The following TULP4 variants were observed in gnomAD, a reference collection of about 807,000 sequenced individuals.
The protein encoded by TULP4 is tubby-related protein 4.
Under a neutral mutation model 129.0 loss-of-function variants are expected in TULP4, and 16 were observed. That is an observed-to-expected ratio of 0.12 (90% CI 0.08 to 0.19). The LOEUF (loss-of-function observed/expected upper bound fraction) is 0.19, where lower values mean the gene tolerates loss of function less well. TULP4 is among the 10% of genes least tolerant of loss of function. TULP4 has a pLI of 1.00. For synonymous variants in TULP4, 998 were observed against 854.0 expected, an observed-to-expected ratio of 1.17 and a Z score of -2.94; for missense variants, 1,842 against 2,059.1, an observed-to-expected ratio of 0.89 and a Z score of 2.04.
At chr6:158,317,990 C>G (rs1461638275) in intron 1 of TULP4, among the ~76,000 whole-genome samples, 1 of 152,150 alleles carries the variant, frequency 6.6e-6, no homozygotes, top group Non-Finnish European at 1.5e-5. Flanking sequence ...CCTTTGCCCA[C>G]TTTTTGACGG....
chr6:158,322,979 G>T (rs887313473), intron 1 of TULP4, among the ~76,000 whole-genome samples: 1 of 152,172 alleles, frequency 6.6e-6, no homozygotes, highest in Admixed American at 6.5e-5. Context: ...CGTTTAGCGC[G>T]TGCTTTTCTC....
intron 8 of TULP4, among the ~76,000 whole-genome samples, chr6:158,484,586 A>G (rs1780022533): frequency 6.6e-6 from 1 of 152,166 alleles, no homozygotes; most frequent in Admixed American, 6.5e-5. Flanking sequence ...AGGAGTTCAT[A>G]TAGGTGGATC....
intron 7 of TULP4, among the ~76,000 whole-genome samples, chr6:158,480,772 A>G (rs1433400454): frequency 6.6e-6 from 1 of 152,128 alleles, no homozygotes; most frequent in African/African-American, 2.4e-5. Context: ...TAGCATTGGA[A>G]AATACAGGTG....
intron 1 of TULP4, among the ~76,000 whole-genome samples, chr6:158,300,980 G>A (rs757144966): frequency 2.2e-4 from 34 of 152,152 alleles, no homozygotes; most frequent in Admixed American, 1.0e-3. Context: ...CGACCTTATC[G>A]TTACCAGCAG....
chr6:158,295,457 A>T (rs1335447210), intron 1 of TULP4, among the ~76,000 whole-genome samples: 1 of 151,138 alleles, frequency 6.6e-6, no homozygotes, highest in East Asian at 1.9e-4. Flanking sequence ...AAGTTTCTCA[A>T]GTTAAAAAAT....
intron 1 of TULP4, among the ~76,000 whole-genome samples, chr6:158,261,921 C>G (rs1325364104): frequency 6.6e-6 from 1 of 152,120 alleles, no homozygotes; most frequent in Non-Finnish European, 1.5e-5. Context: ...ATGAGCTAGA[C>G]CCCCTTAAAG....
At chr6:158,287,514 C>G (rs370465508) in intron 1 of TULP4, among the ~76,000 whole-genome samples, 1 of 152,084 alleles carries the variant, frequency 6.6e-6, no homozygotes, top group Non-Finnish European at 1.5e-5. Context: ...TTTAAAAGTC[C>G]TTACCCTTAA....
chr6:158,275,425 G>A (rs1363231773), intron 1 of TULP4, among the ~76,000 whole-genome samples: 1 of 152,184 alleles, frequency 6.6e-6, no homozygotes, highest in Non-Finnish European at 1.5e-5. Flanking sequence ...AAGACCATGG[G>A]AGATGGTAAT....
intron 1 of TULP4, among the ~76,000 whole-genome samples, chr6:158,388,322 CTTTTTTTTTTT>C (rs10650311): frequency 7.0e-5 from 6 of 86,260 alleles, no homozygotes; most frequent in African/African-American, 2.0e-4. Context: ...GCTCGTTTTT[CTTTTTTTTTTT>C]TTTTTTTTTT....
intron 1 of TULP4, among the ~76,000 whole-genome samples, chr6:158,303,870 T>C (rs1007141000): frequency 6.6e-6 from 1 of 152,196 alleles, no homozygotes; most frequent in Non-Finnish European, 1.5e-5. Context: ...GAAAATATCT[T>C]CCCTAATTTA....
At chr6:158,501,560 TG>T in intron 12 of TULP4, 117 bp from the exon 13 acceptor site, 2 of 1,053,596 alleles carry the variant, frequency 1.9e-6, no homozygotes, top group African/African-American at 1.6e-5. Context: ...TCTCTGTCTC[TG>T]GCAATTTGCA....
chr6:158,322,406 G>A (rs1158199964), intron 1 of TULP4, among the ~76,000 whole-genome samples: 2 of 152,038 alleles, frequency 1.3e-5, no homozygotes, highest in Non-Finnish European at 2.9e-5. Flanking sequence ...TCATTCATTA[G>A]TTTACTCAAG....
chr6:158,255,550 A>G (rs9356547), intron 1 of TULP4, among the ~76,000 whole-genome samples: 49,965 of 151,976 alleles, frequency 0.33, 9,209 homozygotes, highest in Admixed American at 0.45. Context: ...AACAACTCTA[A>G]GAATGGTGGC....
chr6:158,454,931 A>C (rs2115159773), intron 5 of TULP4, among the ~76,000 whole-genome samples: 1 of 152,190 alleles, frequency 6.6e-6, no homozygotes, highest in South Asian at 2.1e-4. Flanking sequence ...AACGTTTTGC[A>C]ACCATATGTG....
At chr6:158,240,326 C>T (rs1159518570) in intron 1 of TULP4, among the ~76,000 whole-genome samples, 56 of 76,208 alleles carry the variant, frequency 7.3e-4, no homozygotes, top group Admixed American at 9.5e-4. Context: ...CCGGACGGGG[C>T]GGCTGGCCGG....
rs184024106 is a variant in TULP4, at chr6:158,475,042, A to C, written c.1027-4709A>C. ...TTAGCAAATATTTATCTAATGACTA[A>C]CAGCTCAGTAGATAAAAAAATGATT... is the stretch of plus-strand genomic sequence containing the variant. On this transcript the variant is annotated intron_variant, in intron 6 of 13. Coordinates refer to ENST00000367097, the MANE Select transcript of TULP4 (RefSeq NM_020245.5). Among the ~76,000 whole-genome samples the C allele has an allele frequency of 5.8e-3, 882 of 152,350 alleles. 6 individuals carry two copies. Among genetic ancestry groups the C allele is most frequent in the Non-Finnish European group, 9.2e-3 (628 of 68,016 alleles).
At chr6:158,364,139 T>C (rs756271272) in intron 1 of TULP4, among the ~76,000 whole-genome samples, 1 of 152,152 alleles carries the variant, frequency 6.6e-6, no homozygotes, top group Non-Finnish European at 1.5e-5. Flanking sequence ...TCAAGGAAGT[T>C]TTTAAATTTA....
chr6:158,424,929 G>A (rs937001912), intron 2 of TULP4, among the ~76,000 whole-genome samples: 3 of 150,568 alleles, frequency 2.0e-5, no homozygotes, highest in African/African-American at 7.3e-5. Flanking sequence ...CGAGGTGGGC[G>A]GATCACAAGG....
chr6:158,484,567 T>A (rs1274852802), intron 8 of TULP4, among the ~76,000 whole-genome samples: 1 of 152,056 alleles, frequency 6.6e-6, no homozygotes, highest in Non-Finnish European at 1.5e-5. Context: ...TAGGGGAGAT[T>A]AAGGTAAAAG....
Sources: allele counts gnomAD v4.1 joint callset (sites outside exome capture counted in the v4.1 genomes callset), GRCh38; gene constraint gnomAD v4.1.1; transcripts MANE v1.5; gene names NCBI Gene and HGNC (gene_info 2026-07-23, HGNC 2026-07-21).